Variants in EOMES observed in about 807,000 individuals in gnomAD.
EOMES encodes eomesodermin homolog.
In EOMES, 18 loss-of-function variants were observed where a neutral mutation model predicts 61.0. That is an observed-to-expected ratio of 0.30 (90% CI 0.20 to 0.44). The LOEUF is 0.44. EOMES is among the 20% of genes least tolerant of loss of function. The pLI is 1.00. For missense variants in EOMES, 885 were observed against 939.2 expected, an observed-to-expected ratio of 0.94 and a Z score of 0.75; for synonymous variants, 430 against 394.0, an observed-to-expected ratio of 1.09 and a Z score of -1.08.
Position 27,717,788 on chromosome 3 carries a change from T to C in EOMES, c.1400A>G (p.Asn467Ser). 6.2e-7 allele frequency: 1 copy of C among 1,611,582 alleles called. No individual in the cohort carries two copies. The highest frequency in any genetic ancestry group is 1.7e-5 in the Admixed American group (1 of 59,892). The change falls in exon 6 of 6, where the codon AAT (asparagine) becomes AGT (serine). Residue 467 changes from asparagine to serine, a missense_variant. By Grantham distance (46) the Asn-to-Ser change is conservative (BLOSUM62 1). Transcript: ENST00000449599. The surrounding 1 kb of genome is among the most constrained non-coding windows in gnomAD (Gnocchi z 4.5). ...CGTGGGAGATGGAGTTAACCTGTCATTTTCTGAAGCGGTGTACATGCTACA... is the reference window on the plus strand; with the variant it reads ...CGTGGGAGATGGAGTTAACCTGTCACTTTCTGAAGCGGTGTACATGCTACA... ...NYDSMYTASE[N>S]DRLTPSPTDS...
chr3:27,719,288 G>A, intron 3 of EOMES, 72 bp downstream of exon 3: 1 of 1,431,082 alleles, frequency 7.0e-7, no homozygotes, highest in Non-Finnish European at 9.8e-7. Flanking sequence ...AGTGAAAAGA[G>A]TAGGGACTCT....
upstream of EOMES, chr3:27,722,355 G>A: frequency 1.4e-6 from 2 of 1,414,676 alleles, no homozygotes; most frequent in Non-Finnish European, 1.8e-6. Flanking sequence ...TTATTATAAA[G>A]GCAGGATGGG....
Position 27,721,352 on chromosome 3 carries a change from TC to T in EOMES, c.881+61del. The T allele has an allele frequency of 3.5e-6, 5 of 1,425,940 alleles. No individual in the cohort carries two copies. The highest frequency in any genetic ancestry group is 4.8e-6 in the Non-Finnish European group (5 of 1,036,020). 88.3% of individuals were successfully genotyped at this position (1,425,940 alleles called of 1,614,324 possible). On this transcript the variant is annotated intron_variant, in intron 1 of 5. Transcript: ENST00000449599. The surrounding 1 kb of genome is among the most constrained non-coding windows in gnomAD (Gnocchi z 7.4). ...GGTTCAGCTCCCTCATCCCGGACCT[TC>T]CCCAGGACCACACGTCACCCTTTAT...
Position 27,717,580 on chromosome 3 carries a change from C to T in EOMES, c.1608G>A (p.Arg536=), listed in dbSNP as rs1224188287. The part of the protein sequence containing the change: ...QSEEVANPPQ[R]WLVTPVQQPG... ...GTTGCTGGACAGGCGTGACAAGCCA[C>T]CGCTGGGGAGGGTTGGCCACCTCTT... Residue 536 remains arginine, a synonymous_variant, in exon 6 of 6, where the codon CGG becomes CGA. Coordinates refer to ENST00000449599, the MANE Select transcript of EOMES (RefSeq NM_001278182.2). This position sits in a 1 kb window ranked among gnomAD's most constrained non-coding sequence, Gnocchi z 4.5. 5.6e-6 allele frequency: 9 copies of T among 1,614,184 alleles called. No individual in the cohort carries two copies. Among genetic ancestry groups the T allele is most frequent in the Non-Finnish European group, 7.6e-6 (9 of 1,180,034 alleles).
chr3:27,717,704 A>C lies in EOMES; in HGVS notation c.1484T>G (p.Phe495Cys). 1 of 1,614,008 alleles carries C rather than the reference A, an allele frequency of 6.2e-7. No homozygotes were observed. Among genetic ancestry groups the C allele is most frequent in the Non-Finnish European group, 8.5e-7 (1 of 1,180,008 alleles). ...PGGRYGVQSF[F>C]PEPFVNTLPQ... ...TAAAGTGTTGACAAAGGGCTCCGGG[A>C]AGAAGGATTGAACGCCGTACCGACC... Residue 495 changes from phenylalanine to cysteine, a missense_variant, in exon 6 of 6, where the codon TTC becomes TGC. Physicochemically the swap from Phe to Cys is radical, Grantham distance 205 (BLOSUM62 -2). Around this residue, in one of 3 missense-constraint regions of EOMES, gnomAD observed 259 missense variants for 282.3 expected, o/e 0.92. Transcript: ENST00000449599. The surrounding 1 kb of genome is among the most constrained non-coding windows in gnomAD (Gnocchi z 4.5).
chr3:27,722,477 C>T (rs2060624787), upstream of EOMES: 4 of 1,351,510 alleles, frequency 3.0e-6, no homozygotes, highest in East Asian at 3.1e-5. Context: ...GCCCTGAATC[C>T]AGCGTCCTTT....
rs774064851 is a variant in EOMES at position 27,717,394 on chromosome 3, A to C, written c.1794T>G (p.Gly598=). 4 of 1,614,032 alleles carry C rather than the reference A, an allele frequency of 2.5e-6. No individual in the cohort carries two copies. The highest frequency in any genetic ancestry group is 3.4e-6 in the Non-Finnish European group (4 of 1,180,034). ...FPAMAGWGGR[G]SYQRKMAAGL... ...CAGCTGCCATCTTCCTCTGGTAAGA[A>C]CCTCGACCTCCCCACCCTGCCATTG... Residue 598 remains glycine (G), a synonymous_variant, in exon 6 of 6, where the codon GGT becomes GGG. Transcript: ENST00000449599. The surrounding 1 kb of genome is among the most constrained non-coding windows in gnomAD (Gnocchi z 4.5).
chr3:27,721,455 G>C lies in EOMES; in HGVS notation c.840C>G (p.Phe280Leu), dbSNP rs1471527766. The C allele has an allele frequency of 6.2e-7, 1 of 1,613,630 alleles. No homozygotes were observed. The change falls in exon 1 of 6, where the codon TTC (phenylalanine) becomes TTG (leucine). Residue 280 changes from phenylalanine to leucine, a missense_variant. By Grantham distance (22) the Phe-to-Leu change is conservative. Coordinates refer to ENST00000449599, the MANE Select transcript of EOMES (RefSeq NM_001278182.2). The surrounding 1 kb of genome is among the most constrained non-coding windows in gnomAD (Gnocchi z 7.4). Reference protein sequence around the residue: ...YLCNRPLWLKFHRHQTEMIIT... With the variant: ...YLCNRPLWLKLHRHQTEMIIT... ...TGATCATCTCAGTTTGGTGGCGGTG[G>C]AATTTGAGCCACAGAGGCCGGTTGC...
Position 27,721,881 on chromosome 3 carries a change from G to T in EOMES, c.414C>A (p.Ser138Arg). The change falls in exon 1 of 6, where the codon AGC (serine) becomes AGA (arginine). Residue 138 changes from serine (S) to arginine (R), a missense_variant. Physicochemically the swap from Ser to Arg is moderately radical, Grantham distance 110 (BLOSUM62 -1). Coordinates refer to ENST00000449599, the MANE Select transcript of EOMES (RefSeq NM_001278182.2). The surrounding 1 kb of genome is among the most constrained non-coding windows in gnomAD (Gnocchi z 7.4). ...AAATARYSMD[S>R]LSSERYYLQS... Reference sequence around the variant, plus strand: ...GGAGGTAGTACCGCTCGGAGCTCAGGCTGTCCATGGAGTAGCGCGCAGTGG... The same window carrying T: ...GGAGGTAGTACCGCTCGGAGCTCAGTCTGTCCATGGAGTAGCGCGCAGTGG... The T allele has an allele frequency of 6.7e-7, 1 of 1,492,224 alleles. No homozygotes were observed. Among genetic ancestry groups the T allele is most frequent in the East Asian group, 2.9e-5 (1 of 34,552 alleles). The allele number at this position is 1,492,224 out of a possible 1,614,324, so 92.4% of individuals were successfully genotyped here.
rs1301852077 is a variant in EOMES at position 27,717,378 on chromosome 3, T to C, written c.1810A>G (p.Met604Val). 1.2e-6 allele frequency: 2 copies of C among 1,614,202 alleles called. No homozygotes were observed. Among genetic ancestry groups the C allele is most frequent in the Admixed American group, 1.7e-5 (1 of 60,018 alleles). ...GAGGTCCATGGTAGTCCAGCTGCCATCTTCCTCTGGTAAGAACCTCGACCT... is the reference window on the plus strand; with the variant it reads ...GAGGTCCATGGTAGTCCAGCTGCCACCTTCCTCTGGTAAGAACCTCGACCT... ...WGGRGSYQRK[M>V]AAGLPWTSRT... Residue 604 changes from methionine to valine, a missense_variant, in exon 6 of 6, where the codon ATG (methionine) becomes GTG (valine). By Grantham distance (21) the Met-to-Val change is conservative. This residue lies in a region of EOMES where 259 missense variants were observed against 282.3 expected (regional missense o/e 0.92). Transcript: ENST00000449599. This position sits in a 1 kb window ranked among gnomAD's most constrained non-coding sequence, Gnocchi z 4.5.
In EOMES at chr3:27,722,065, G is replaced by A. The variant is rs1559929096; in HGVS notation, c.230C>T (p.Ala77Val). 1.9e-6 allele frequency: 3 copies of A among 1,545,460 alleles called. No homozygotes were observed. Among genetic ancestry groups the A allele is most frequent in the South Asian group, 1.2e-5 (1 of 83,658 alleles). Residue 77 changes from alanine to valine, a missense_variant, in exon 1 of 6, where the codon GCG becomes GTG. Around this residue, in one of 3 missense-constraint regions of EOMES, gnomAD observed 449 missense variants for 383.6 expected, o/e 1.17. Transcript: ENST00000449599. ...GGCGTCGGTGTCACTAAGCATGGCC[G>A]CGGGGGCCCCTGCGCTGGCGGCTGC... ...EPAAASAGAP[A>V]AMLSDTDAGD...
intron 2 of EOMES, 37 bp from the exon 3 acceptor site, chr3:27,719,518 T>C (rs1414529656): frequency 1.3e-6 from 2 of 1,599,326 alleles, no homozygotes. Flanking sequence ...AACCCAAGCA[T>C]ATAGGGCTGT....
Position 27,717,748 on chromosome 3 carries a change from G to C in EOMES, c.1440C>G (p.Ser480=). Residue 480 remains serine (S), a synonymous_variant, in exon 6 of 6, where the codon TCC becomes TCG. Transcript: ENST00000449599. This position sits in a 1 kb window ranked among gnomAD's most constrained non-coding sequence, Gnocchi z 4.5. ...LTPSPTDSPR[S]HQIVPGGRYG... ...ACCGACCTCCAGGGACAATCTGATGGGATCTAGGAGAATCCGTGGGAGATG... is the reference window on the plus strand; with the variant it reads ...ACCGACCTCCAGGGACAATCTGATGCGATCTAGGAGAATCCGTGGGAGATG... 1 of 1,613,280 alleles carries C rather than the reference G, an allele frequency of 6.2e-7. No individual in the cohort carries two copies. Among genetic ancestry groups the C allele is most frequent in the Non-Finnish European group, 8.5e-7 (1 of 1,179,414 alleles).
Position 27,722,071 on chromosome 3 carries a change from G to A in EOMES, c.224C>T (p.Ala75Val). The change falls in exon 1 of 6, where the codon GCC (alanine) becomes GTC (valine). Residue 75 changes from alanine to valine, a missense_variant. Physicochemically the swap from Ala to Val is moderately conservative, Grantham distance 64. Around this residue, in one of 3 missense-constraint regions of EOMES, gnomAD observed 449 missense variants for 383.6 expected, o/e 1.17. Coordinates refer to ENST00000449599, the MANE Select transcript of EOMES (RefSeq NM_001278182.2). ...GGTGTCACTAAGCATGGCCGCGGGG[G>A]CCCCTGCGCTGGCGGCTGCGGGCTC... The part of the protein sequence containing the change: ...SGEPAAASAG[A>V]PAAMLSDTDA... The A allele has an allele frequency of 6.5e-7, 1 of 1,546,120 alleles. No homozygotes were observed. The highest frequency in any genetic ancestry group is 8.7e-7 in the Non-Finnish European group (1 of 1,145,340).
In EOMES at chr3:27,721,313, G is replaced by A; in HGVS notation, c.881+101C>T. On this transcript the variant is annotated intron_variant, in intron 1 of 5. Coordinates refer to ENST00000449599, the MANE Select transcript of EOMES (RefSeq NM_001278182.2). This position sits in a 1 kb window ranked among gnomAD's most constrained non-coding sequence, Gnocchi z 7.4. ...CGCGCGGTGAAACACTCTAAGCACC[G>A]CGCGGAACAACTGGGTTCAGCTCCC... is the stretch of plus-strand genomic sequence containing the variant. 4.2e-6 allele frequency: 4 copies of A among 950,404 alleles called. No individual in the cohort carries two copies. Among genetic ancestry groups the A allele is most frequent in the Non-Finnish European group, 4.8e-6 (3 of 628,600 alleles). The allele number at this position is 950,404 out of a possible 1,614,324, so 58.9% of individuals were successfully genotyped here. A position where few individuals can be genotyped will look rare whatever the true frequency, so the allele number is the denominator to read the frequency against.
Position 27,722,062 on chromosome 3 carries a change from G to T in EOMES, c.233C>A (p.Ala78Asp). The T allele has an allele frequency of 6.5e-7, 1 of 1,545,604 alleles. No individual in the cohort carries two copies. Among genetic ancestry groups the T allele is most frequent in the African/African-American group, 1.4e-5 (1 of 72,682 alleles). The change falls in exon 1 of 6, where the codon GCC becomes GAC. Residue 78 changes from alanine to aspartate, a missense_variant. By Grantham distance (126) the Ala-to-Asp change is moderately radical. This residue lies in a region of EOMES where 449 missense variants were observed against 383.6 expected (regional missense o/e 1.17). Coordinates refer to ENST00000449599, the MANE Select transcript of EOMES (RefSeq NM_001278182.2). ...PAAASAGAPA[A>D]MLSDTDAGDA... ...CCCGGCGTCGGTGTCACTAAGCATGGCCGCGGGGGCCCCTGCGCTGGCGGC... is the reference window on the plus strand; with the variant it reads ...CCCGGCGTCGGTGTCACTAAGCATGTCCGCGGGGGCCCCTGCGCTGGCGGC...
chr3:27,721,015 C>A lies in EOMES; in HGVS notation c.881+399G>T, dbSNP rs182594699. On this transcript the variant is annotated intron_variant, in intron 1 of 5. Transcript: ENST00000449599. This position sits in a 1 kb window ranked among gnomAD's most constrained non-coding sequence, Gnocchi z 7.4. Reference sequence around the variant, plus strand: ...TAAAACTGCGGGAGCCCATCTACTGCGCTCAGGTGGCCAGCTCTTGAGCCT... The same window carrying A: ...TAAAACTGCGGGAGCCCATCTACTGAGCTCAGGTGGCCAGCTCTTGAGCCT... Among the ~76,000 whole-genome samples the A allele has an allele frequency of 5.3e-5, 8 of 152,332 alleles. No individual in the cohort carries two copies. The highest frequency in any genetic ancestry group is 1.2e-4 in the Non-Finnish European group (8 of 68,030).
intron 5 of EOMES, among the ~76,000 whole-genome samples, chr3:27,718,256 G>A (rs2060584576): frequency 6.6e-6 from 1 of 151,832 alleles, no homozygotes; most frequent in African/African-American, 2.4e-5. Context: ...GTGGGGGAGA[G>A]TAATAATATC....
In EOMES at chr3:27,718,625, A is replaced by G; in HGVS notation, c.1341T>C (p.His447=). 1 of 1,613,766 alleles carries G rather than the reference A, an allele frequency of 6.2e-7. No homozygotes were observed. Among genetic ancestry groups the G allele is most frequent in the Non-Finnish European group, 8.5e-7 (1 of 1,179,622 alleles). ...CTCTGAAGCCTTTTGCAAAGGGGTTATGATCAATCTTTAGTTGAGTAATCT... is the reference window on the plus strand; with the variant it reads ...CTCTGAAGCCTTTTGCAAAGGGGTTGTGATCAATCTTTAGTTGAGTAATCT... The part of the protein sequence containing the change: ...NTDITQLKID[H]NPFAKGFRDN... The change falls in exon 5 of 6, where the codon CAT becomes CAC. Residue 447 remains histidine, a synonymous_variant. Coordinates refer to ENST00000449599, the MANE Select transcript of EOMES (RefSeq NM_001278182.2).
Sources: gnomAD v4.1 joint callset for allele counts (sites outside exome capture counted in the v4.1 genomes callset) on GRCh38, gnomAD v4.1.1 for gene constraint, gnomAD v4.1.1 regional missense constraint, Gnocchi (gnomAD v3.1) non-coding constraint, MANE v1.5 for transcripts, NCBI Gene and HGNC (gene_info 2026-07-23, HGNC 2026-07-21) for gene names.